The following VWC2 variants were observed in gnomAD, a reference collection of about 807,000 sequenced individuals.
The protein encoded by VWC2 is brorin.
VWC2 carries 14 observed loss-of-function variants against 29.8 expected under a neutral mutation model. The ratio of observed to expected loss-of-function variants is 0.47; its 90% CI spans 0.31 to 0.74. The LOEUF is 0.74. Ranked by LOEUF, VWC2 falls within the 30% of genes least tolerant of loss-of-function variation. The pLI, the probability that VWC2 is intolerant of heterozygous loss-of-function variation, is 0.05. For synonymous variants in VWC2, 213 were observed against 199.0 expected (o/e 1.07, Z -0.59); for missense variants, 457 against 459.8 (o/e 0.99, Z 0.05).
intron 3 of VWC2, among the ~76,000 whole-genome samples, chr7:49,874,538 A>G (rs190729708): frequency 1.1e-4 from 13 of 117,340 alleles, no homozygotes; most frequent in Admixed American, 1.1e-3. Context: ...TACATGACGC[A>G]TGACTATATA....
At chr7:49,831,249 AAGTCATTC>A in intron 3 of VWC2, among the ~76,000 whole-genome samples, 1 of 152,278 alleles carries the variant, frequency 6.6e-6, no homozygotes, top group South Asian at 2.1e-4. Context: ...CTCATTTTTG[AAGTCATTC>A]TCATTATTTT....
At chr7:49,854,753 G>A (rs521484) in intron 3 of VWC2, among the ~76,000 whole-genome samples, 122,417 of 152,196 alleles carry the variant, frequency 0.8, 49,455 homozygotes, top group East Asian at 0.91. Flanking sequence ...TTTTGTTGCT[G>A]TTGCTTTTGG....
chr7:49,775,960 C>A lies in VWC2; in HGVS notation c.525C>A (p.Ala175=). 6.5e-7 allele frequency: 1 copy of A among 1,550,182 alleles called. No individual in the cohort carries two copies. Residue 175 remains alanine (A), a synonymous_variant, in exon 2 of 4, where the codon GCC becomes GCA. Coordinates refer to ENST00000340652, the MANE Select transcript of VWC2 (RefSeq NM_198570.5). ...IGEKFAPGPS[A]CPCLCTEEGP... ...AGAAGTTCGCGCCGGGCCCCTCGGC[C>A]TGCCCGTGCCTGTGCACCGAGGAGG...
At position 49,916,839 on chromosome 7, in the gene VWC2, C is replaced by T. The variant is rs145947746; in HGVS notation, c.*4654C>T. 1 of 152,168 alleles carries T rather than the reference C, an allele frequency of 6.6e-6. No homozygotes were observed. Among genetic ancestry groups the T allele is most frequent in the Non-Finnish European group, 1.5e-5 (1 of 68,030 alleles). The allele number at this position is 152,168 out of a possible 1,614,324, so 9.4% of individuals were successfully genotyped here. Reference sequence around the variant, plus strand: ...TAAGTCACAGAACCCAGAGACACATCAAATACCCCAAATACCCCATGGTAG... The same window carrying T: ...TAAGTCACAGAACCCAGAGACACATTAAATACCCCAAATACCCCATGGTAG... On this transcript the variant is annotated 3_prime_UTR_variant, in exon 4 of 4. Transcript: ENST00000340652.
chr7:49,775,621 C>G lies in VWC2; in HGVS notation c.186C>G (p.Leu62=), dbSNP rs1788033934. 6.5e-7 allele frequency: 1 copy of G among 1,530,084 alleles called. No homozygotes were observed. The highest frequency in any genetic ancestry group is 1.2e-5 in the South Asian group (1 of 82,416). The allele number at this position is 1,530,084 out of a possible 1,614,324, so 94.8% of individuals were successfully genotyped here. ...ACGGCCCGGGGCGGGTGAACGAGCT[C>G]GGGCGCCCGGCGAGGGACGAGGGCG... ...SRDGPGRVNE[L]GRPARDEGGS... The change falls in exon 2 of 4, where the codon CTC becomes CTG. Residue 62 remains leucine (L), a synonymous_variant. Coordinates refer to ENST00000340652, the MANE Select transcript of VWC2 (RefSeq NM_198570.5).
At position 49,775,346 on chromosome 7, in the gene VWC2, C is replaced by T. The variant is rs1466430180; in HGVS notation, c.-90C>T. 1.5e-5 allele frequency: 16 copies of T among 1,102,518 alleles called. No homozygotes were observed. The South Asian group carries it at 4.8e-4, about 33-fold the overall frequency. 68.3% of individuals were successfully genotyped at this position (1,102,518 alleles called of 1,614,324 possible). On this transcript the variant is annotated 5_prime_UTR_variant, in exon 2 of 4. Transcript: ENST00000340652. ...TTCTCTCCGCAGGGACGGCGGCTCCCGGCTGGCGGCGGCGCGCCCCCGGGC... is the reference window on the plus strand; with the variant it reads ...TTCTCTCCGCAGGGACGGCGGCTCCTGGCTGGCGGCGGCGCGCCCCCGGGC...
intron 3 of VWC2, among the ~76,000 whole-genome samples, chr7:49,893,079 T>G (rs1278553188): frequency 6.6e-6 from 1 of 152,216 alleles, no homozygotes; most frequent in Non-Finnish European, 1.5e-5. Context: ...TTTTATTCCT[T>G]TGAGGAGGAC....
At chr7:49,797,742 T>C (rs144387100) in intron 2 of VWC2, among the ~76,000 whole-genome samples, 25 of 152,328 alleles carry the variant, frequency 1.6e-4, no homozygotes, top group African/African-American at 6.0e-4. Flanking sequence ...TCATTCTCAC[T>C]CCCAATCCCA....
At chr7:49,785,463 A>AAGAT (rs1788274546) in intron 2 of VWC2, among the ~76,000 whole-genome samples, 1 of 152,176 alleles carries the variant, frequency 6.6e-6, no homozygotes, top group Non-Finnish European at 1.5e-5. Flanking sequence ...GGGAGAAATT[A>AAGAT]AGATAGTTCC....
At chr7:49,871,078 C>G (rs1583718000) in intron 3 of VWC2, among the ~76,000 whole-genome samples, 1 of 152,166 alleles carries the variant, frequency 6.6e-6, no homozygotes, top group East Asian at 1.9e-4. Context: ...GAATGGAGAG[C>G]TAATGGAGCC....
chr7:49,818,120 A>T (rs1430589307), intron 3 of VWC2, among the ~76,000 whole-genome samples: 2 of 152,186 alleles, frequency 1.3e-5, no homozygotes, highest in African/African-American at 2.4e-5. Context: ...TTAGGAGGGA[A>T]TGGCTAAAAA....
chr7:49,817,869 T>C (rs528127871), intron 3 of VWC2, among the ~76,000 whole-genome samples: 80 of 152,338 alleles, frequency 5.3e-4, no homozygotes, highest in African/African-American at 1.4e-3. Context: ...GGGAAAAACA[T>C]TGCCAATTCA....
chr7:49,858,287 A>C (rs1583692279), intron 3 of VWC2, among the ~76,000 whole-genome samples: 1 of 152,260 alleles, frequency 6.6e-6, no homozygotes, highest in Middle Eastern at 3.4e-3. Context: ...TCACAATAGC[A>C]AAGACTTGGA....
intron 3 of VWC2, among the ~76,000 whole-genome samples, chr7:49,824,242 A>G (rs1311714057): frequency 1.3e-5 from 2 of 151,800 alleles, no homozygotes; most frequent in African/African-American, 4.8e-5. Flanking sequence ...TCTCAGATTT[A>G]TTTTCTGGGT....
At chr7:49,779,781 G>T (rs996545794) in intron 2 of VWC2, among the ~76,000 whole-genome samples, 6 of 152,164 alleles carry the variant, frequency 3.9e-5, no homozygotes, top group Non-Finnish European at 8.8e-5. Flanking sequence ...CCAAGATCAA[G>T]GTGTCAGCAG....
At chr7:49,841,279 G>A (rs1789787234) in intron 3 of VWC2, among the ~76,000 whole-genome samples, 1 of 150,988 alleles carries the variant, frequency 6.6e-6, no homozygotes, top group Non-Finnish European at 1.5e-5. Context: ...GCTAGTATTT[G>A]CTGAAACAGC....
chr7:49,918,352 A>T lies in VWC2; in HGVS notation c.*6167A>T, dbSNP rs562740529. The T allele has an allele frequency of 1.3e-5, 2 of 152,202 alleles. No individual in the cohort carries two copies. The highest frequency in any genetic ancestry group is 2.9e-5 in the Non-Finnish European group (2 of 68,022). The allele number at this position is 152,202 out of a possible 1,614,324, so 9.4% of individuals were successfully genotyped here. A position where few individuals can be genotyped will look rare whatever the true frequency, so the allele number is the denominator to read the frequency against. On this transcript the variant is annotated 3_prime_UTR_variant, in exon 4 of 4. Coordinates refer to ENST00000340652, the MANE Select transcript of VWC2 (RefSeq NM_198570.5). ...TCTAGAAAATAGACAGAAATTTCCAAAATGGTCTTTTACCCCACTCCCCAT... is the reference window on the plus strand; with the variant it reads ...TCTAGAAAATAGACAGAAATTTCCATAATGGTCTTTTACCCCACTCCCCAT...
At chr7:49,842,960 T>C (rs573443636) in intron 3 of VWC2, among the ~76,000 whole-genome samples, 1 of 152,284 alleles carries the variant, frequency 6.6e-6, no homozygotes, top group East Asian at 1.9e-4. Context: ...GGGTGTACTG[T>C]GTGATGCTGA....
chr7:49,904,378 C>A (rs1156950100), intron 3 of VWC2, among the ~76,000 whole-genome samples: 1 of 152,154 alleles, frequency 6.6e-6, no homozygotes, highest in Non-Finnish European at 1.5e-5. Context: ...ACCTCCTACT[C>A]CCTTTGCAAC....
Sources: gnomAD v4.1 joint callset for allele counts (sites outside exome capture counted in the v4.1 genomes callset) on GRCh38, gnomAD v4.1.1 for gene constraint, MANE v1.5 for transcripts, NCBI Gene and HGNC (gene_info 2026-07-23, HGNC 2026-07-21) for gene names.